The following DHRSX variants were observed in gnomAD, a reference collection of about 807,000 sequenced individuals.
DHRSX encodes polyprenol dehydrogenase.
In DHRSX, 31 loss-of-function variants were observed where a neutral mutation model predicts 34.0. That is an observed-to-expected ratio of 0.91 (90% CI 0.69 to 1.23). DHRSX has a LOEUF of 1.23. Among genes scored for constraint, DHRSX ranks in the 50% most tolerant of loss-of-function variants. The probability of loss-of-function intolerance (pLI) is 0.00; values close to 1 mark genes in which losing one functional copy is unlikely to be tolerated. For synonymous variants in DHRSX, 201 were observed against 183.8 expected, an observed-to-expected ratio of 1.09 and a Z score of -0.76; for missense variants, 414 against 428.1, an observed-to-expected ratio of 0.97 and a Z score of 0.29.
At chrX:2,330,922 A>T (rs371739267) in intron 3 of DHRSX, among the ~76,000 whole-genome samples, 2 of 152,164 alleles carry the variant, frequency 1.3e-5, no homozygotes, top group African/African-American at 2.4e-5. Flanking sequence ...ATGTCTCTCA[A>T]ATGTTAAAGA....
intron 3 of DHRSX, among the ~76,000 whole-genome samples, chrX:2,371,665 T>C (rs1421581383): frequency 6.7e-6 from 1 of 149,008 alleles, no homozygotes; most frequent in Non-Finnish European, 1.5e-5. Context: ...CCCCTTACCA[T>C]AGTCCCTCCT....
chrX:2,232,123 C>T (rs906227290), intron 6 of DHRSX, among the ~76,000 whole-genome samples: 7 of 150,496 alleles, frequency 4.7e-5, no homozygotes, highest in African/African-American at 1.7e-4. Context: ...CCTTCCCTTC[C>T]TCCTCTTCCC....
chrX:2,246,738 AAG>A (rs1491201951), intron 5 of DHRSX, among the ~76,000 whole-genome samples: 5 of 118,660 alleles, frequency 4.2e-5, no homozygotes, highest in African/African-American at 1.1e-4. Flanking sequence ...GAAAGAAAGA[AAG>A]AAAGAAAGAA....
intron 3 of DHRSX, among the ~76,000 whole-genome samples, chrX:2,389,278 T>TG (rs1458751664): frequency 2.6e-5 from 4 of 151,982 alleles, no homozygotes; most frequent in Middle Eastern, 6.8e-3. Flanking sequence ...TGGCAGCTCA[T>TG]GGGGGGAAAG....
intron 1 of DHRSX, among the ~76,000 whole-genome samples, chrX:2,452,383 T>G (rs1431396955): frequency 6.6e-6 from 1 of 151,432 alleles, no homozygotes; most frequent in Non-Finnish European, 1.5e-5. Flanking sequence ...ACTGAAGATG[T>G]TCCCTAAGCA....
intron 1 of DHRSX, among the ~76,000 whole-genome samples, chrX:2,499,397 GTATCAT>G (rs2045357473): frequency 6.7e-6 from 1 of 149,864 alleles, no homozygotes; most frequent in South Asian, 2.1e-4. Flanking sequence ...TTGAAACAAA[GTATCAT>G]TTAACCTAAC....
intron 1 of DHRSX, among the ~76,000 whole-genome samples, chrX:2,444,204 C>T (rs896420752): frequency 1.3e-5 from 2 of 152,138 alleles, no homozygotes; most frequent in Non-Finnish European, 2.9e-5. Flanking sequence ...ATACATGTTT[C>T]TGCCTTCTTG....
intron 6 of DHRSX, among the ~76,000 whole-genome samples, chrX:2,221,709 C>T (rs186287104): frequency 6.6e-6 from 1 of 152,154 alleles, no homozygotes; most frequent in East Asian, 1.9e-4. Context: ...GAGCTGTGAT[C>T]GTATGTTTCA....
chrX:2,358,530 T>C (rs1218564528), intron 3 of DHRSX, among the ~76,000 whole-genome samples: 1 of 152,078 alleles, frequency 6.6e-6, no homozygotes, highest in Non-Finnish European at 1.5e-5. Flanking sequence ...ACCCTGCCTC[T>C]ACTAAGAATA....
At chrX:2,395,507 A>T (rs7879738) in intron 3 of DHRSX, among the ~76,000 whole-genome samples, 120,203 of 152,028 alleles carry the variant, frequency 0.79, 47,694 homozygotes, top group African/African-American at 0.84. Context: ...AGAATTTCCA[A>T]GCATCTGGAA....
intron 1 of DHRSX, among the ~76,000 whole-genome samples, chrX:2,438,306 T>TACACACACAC (rs113154779): frequency 0.097 from 14,528 of 149,528 alleles, 978 homozygotes; most frequent in Non-Finnish European, 0.16. Context: ...ACAGAATGCA[T>TACACACACAC]ACACACACAC....
intron 3 of DHRSX, among the ~76,000 whole-genome samples, chrX:2,370,291 C>T: frequency 6.6e-6 from 1 of 152,226 alleles, no homozygotes; most frequent in Non-Finnish European, 1.5e-5. Flanking sequence ...CCTGCCTCAG[C>T]CTCCCCAGTA....
chrX:2,419,892 A>G (rs6641678), intron 2 of DHRSX, among the ~76,000 whole-genome samples: 123,155 of 151,148 alleles, frequency 0.81, 50,963 homozygotes, highest in African/African-American at 0.95. Flanking sequence ...TAGGTGCAGC[A>G]CACCAGCATG....
intron 1 of DHRSX, among the ~76,000 whole-genome samples, chrX:2,484,985 A>C (rs1345840789): frequency 1.3e-5 from 2 of 152,056 alleles, no homozygotes; most frequent in Non-Finnish European, 2.9e-5. Flanking sequence ...CACTTTCCCC[A>C]AGCTGTTTTC....
intron 5 of DHRSX, among the ~76,000 whole-genome samples, chrX:2,263,176 T>C (rs2041386777): frequency 6.6e-6 from 1 of 152,044 alleles, no homozygotes; most frequent in Non-Finnish European, 1.5e-5. Context: ...CAAAGGCGAG[T>C]CCGACTGTGT....
intron 3 of DHRSX, among the ~76,000 whole-genome samples, chrX:2,404,437 A>G (rs1284678009): frequency 6.6e-6 from 1 of 152,206 alleles, no homozygotes; most frequent in Non-Finnish European, 1.5e-5. Flanking sequence ...AAAAATGTAT[A>G]AGCAAAAACT....
chrX:2,263,645 C>T (rs1402073359), intron 5 of DHRSX, among the ~76,000 whole-genome samples: 4 of 151,688 alleles, frequency 2.6e-5, no homozygotes, highest in Non-Finnish European at 5.9e-5. Context: ...TCCCGAGTAG[C>T]TGGGATTACA....
intron 1 of DHRSX, among the ~76,000 whole-genome samples, chrX:2,484,980 T>G (rs2044848793): frequency 6.6e-6 from 1 of 151,972 alleles, no homozygotes. Context: ...TTTCTCACTT[T>G]CCCCAAGCTG....
In DHRSX at chrX:2,473,741, C is replaced by T. The variant is rs186371549; in HGVS notation, c.109+27076G>A. On this transcript the variant is annotated intron_variant, in intron 1 of 6. Coordinates refer to ENST00000334651, the MANE Select transcript of DHRSX (RefSeq NM_145177.3). Reference sequence around the variant, plus strand: ...CCTTCTAAGGTTTCTCTCCTGTCATCCTCCCAAGTCTACACGAATATAGAG... The same window carrying T: ...CCTTCTAAGGTTTCTCTCCTGTCATTCTCCCAAGTCTACACGAATATAGAG... Among the ~76,000 whole-genome samples, 203 of 140,198 alleles carry T rather than the reference C, an allele frequency of 1.4e-3. 18 individuals are homozygous for T. The highest frequency in any genetic ancestry group is 1.8e-3 in the Non-Finnish European group (118 of 65,728). 92.0% of individuals were successfully genotyped at this position (140,198 alleles called of 152,430 possible).
Sources: gnomAD v4.1 joint callset for allele counts (sites outside exome capture counted in the v4.1 genomes callset) on GRCh38, gnomAD v4.1.1 for gene constraint, MANE v1.5 for transcripts, NCBI Gene and HGNC (gene_info 2026-07-23, HGNC 2026-07-21) for gene names.